LINGO2: variants seen among roughly 807,000 people sequenced by gnomAD.
LINGO2 encodes the protein leucine rich repeat and Ig domain containing 2.
In LINGO2, 14 loss-of-function variants were observed where a neutral mutation model predicts 30.6. The observed-to-expected ratio is 0.46, with a 90% CI of 0.30 to 0.72. The LOEUF is 0.72. LINGO2 is among the 30% of genes least tolerant of loss of function. The pLI, the probability that LINGO2 is intolerant of heterozygous loss-of-function variation, is 0.07. For missense variants in LINGO2, 729 were observed against 751.7 expected, an observed-to-expected ratio of 0.97 and a Z score of 0.35; for synonymous variants, 317 against 288.5, an observed-to-expected ratio of 1.10 and a Z score of -1.00.
chr9:28,527,114 C>T (rs1821066069), intron 1 of LINGO2, among the ~76,000 whole-genome samples: 1 of 152,052 alleles, frequency 6.6e-6, no homozygotes, highest in Non-Finnish European at 1.5e-5. Context: ...TCATACATTC[C>T]AGCTATCAAA....
intron 4 of LINGO2, among the ~76,000 whole-genome samples, chr9:28,276,003 C>G (rs1823102705): frequency 6.6e-6 from 1 of 152,090 alleles, no homozygotes; most frequent in African/African-American, 2.4e-5. Context: ...CCTCTCTGAG[C>G]TTTAATTTTG....
intron 4 of LINGO2, among the ~76,000 whole-genome samples, chr9:28,083,970 T>C (rs1734621720): frequency 6.6e-6 from 1 of 152,200 alleles, no homozygotes; most frequent in Non-Finnish European, 1.5e-5. Context: ...TGTTTTTTAA[T>C]TAACTAATAA....
the LINGO2 span, among the ~76,000 whole-genome samples, chr9:28,884,927 AATAT>A: frequency 0.03 from 112 of 3,776 alleles, 4 homozygotes; most frequent in Middle Eastern, 0.17. Context: ...TACTATATAT[AATAT>A]TATATATAAT....
chr9:28,748,462 T>C, the LINGO2 span, among the ~76,000 whole-genome samples: 1 of 151,996 alleles, frequency 6.6e-6, no homozygotes, highest in South Asian at 2.1e-4. Context: ...AAATGACACA[T>C]CAAAACAACT....
At chr9:28,860,120 A>T in the LINGO2 span, among the ~76,000 whole-genome samples, 1 of 152,146 alleles carries the variant, frequency 6.6e-6, no homozygotes, top group Non-Finnish European at 1.5e-5. Flanking sequence ...AAAATAATTA[A>T]GAAAATCTTA....
At chr9:28,006,945 A>G (rs1822297599) in intron 5 of LINGO2, among the ~76,000 whole-genome samples, 1 of 152,068 alleles carries the variant, frequency 6.6e-6, no homozygotes, top group African/African-American at 2.4e-5. Context: ...TCATGTAACA[A>G]TTATTTATTG....
chr9:28,968,079 T>C, the LINGO2 span, among the ~76,000 whole-genome samples: 1 of 152,186 alleles, frequency 6.6e-6, no homozygotes, highest in African/African-American at 2.4e-5. Context: ...GTCATACTTT[T>C]ATCTGAACTT....
chr9:28,023,937 C>T (rs955996857), intron 4 of LINGO2, among the ~76,000 whole-genome samples: 3 of 152,144 alleles, frequency 2.0e-5, no homozygotes, highest in Non-Finnish European at 4.4e-5. Context: ...ATTTATGGTT[C>T]CAGTAGCATC....
At chr9:28,861,038 T>A in the LINGO2 span, among the ~76,000 whole-genome samples, 1 of 119,046 alleles carries the variant, frequency 8.4e-6, no homozygotes, top group African/African-American at 3.3e-5. Context: ...ATACATATTA[T>A]TAATATATAA....
intron 3 of LINGO2, among the ~76,000 whole-genome samples, chr9:28,361,131 G>C (rs1241686973): frequency 2.0e-5 from 3 of 152,190 alleles, no homozygotes; most frequent in African/African-American, 7.2e-5. Context: ...CTGCCTGTTA[G>C]TCATTTAGTA....
At chr9:29,114,831 TA>T in the LINGO2 span, among the ~76,000 whole-genome samples, 9 of 152,038 alleles carry the variant, frequency 5.9e-5, no homozygotes, top group South Asian at 2.1e-4. Context: ...TTAATATATT[TA>T]AAAAAAGATT....
the LINGO2 span, among the ~76,000 whole-genome samples, chr9:29,166,040 T>C: frequency 6.6e-6 from 1 of 152,166 alleles, no homozygotes; most frequent in Admixed American, 6.5e-5. Flanking sequence ...TAATTACATA[T>C]ACATATAATC....
intron 4 of LINGO2, among the ~76,000 whole-genome samples, chr9:28,197,164 G>A (rs185528574): frequency 1.7e-4 from 26 of 151,936 alleles, no homozygotes; most frequent in Middle Eastern, 3.4e-3. Flanking sequence ...ATCACATGTA[G>A]CCCATGAATA....
the LINGO2 span, among the ~76,000 whole-genome samples, chr9:29,135,007 T>C: frequency 6.6e-6 from 1 of 152,146 alleles, no homozygotes; most frequent in Non-Finnish European, 1.5e-5. Flanking sequence ...GATTCTAATT[T>C]TTTTTATTGT....
chr9:28,763,644 T>A, the LINGO2 span, among the ~76,000 whole-genome samples: 13 of 150,630 alleles, frequency 8.6e-5, no homozygotes, highest in East Asian at 3.9e-4. Context: ...GAAAAAAAAA[T>A]TAAACTCAAA....
chr9:28,583,881 T>C (rs1346934210), intron 1 of LINGO2, among the ~76,000 whole-genome samples: 1 of 152,066 alleles, frequency 6.6e-6, no homozygotes, highest in Non-Finnish European at 1.5e-5. Flanking sequence ...TATTAGGTCA[T>C]GAAGGTTCTT....
chr9:28,474,192 C>A (rs1825637983), intron 2 of LINGO2, among the ~76,000 whole-genome samples: 1 of 152,100 alleles, frequency 6.6e-6, no homozygotes, highest in Non-Finnish European at 1.5e-5. Flanking sequence ...CTGCAATTTT[C>A]TTTGGTAGTT....
the LINGO2 span, among the ~76,000 whole-genome samples, chr9:28,968,168 TCA>T: frequency 6.6e-6 from 1 of 152,134 alleles, no homozygotes; most frequent in African/African-American, 2.4e-5. Context: ...GAGCCACAGA[TCA>T]CAGACATCGG....
chr9:28,205,578 A>C (rs1362279114), intron 4 of LINGO2, among the ~76,000 whole-genome samples: 1 of 152,202 alleles, frequency 6.6e-6, no homozygotes, highest in African/African-American at 2.4e-5. Context: ...TTTGAATATC[A>C]CATTTTAGGC....
Sources: allele counts gnomAD v4.1 joint callset (sites outside exome capture counted in the v4.1 genomes callset), GRCh38; gene constraint gnomAD v4.1.1; transcripts MANE v1.5; gene names NCBI Gene and HGNC (gene_info 2026-07-23, HGNC 2026-07-21).